RNF103: variants seen among roughly 807,000 people sequenced by gnomAD.
The protein encoded by RNF103 is E3 ubiquitin-protein ligase RNF103.
A neutral mutation model predicts 66.2 loss-of-function variants in RNF103; 23 were observed. The observed-to-expected ratio is 0.35, with a 90% CI of 0.25 to 0.49. The LOEUF is 0.49. Ranked by LOEUF, RNF103 falls within the 20% of genes least tolerant of loss-of-function variation. The probability of loss-of-function intolerance (pLI) is 0.98; values close to 1 mark genes in which losing one functional copy is unlikely to be tolerated. For synonymous variants in RNF103, 297 were observed against 289.9 expected (o/e 1.02, Z -0.25); for missense variants, 730 against 814.7 (o/e 0.90, Z 1.27).
At chr2:86,620,251 A>C in intron 2 of RNF103, 79 bp downstream of exon 2, 13 of 1,412,716 alleles carry the variant, frequency 9.2e-6, no homozygotes, top group Non-Finnish European at 1.2e-5. Context: ...CGGAAGTGTC[A>C]CTGGCTGGTA....
rs906005242 is a variant in RNF103 at position 86,623,673 on chromosome 2, CAAT to C, written c.-790_-788del. 5.9e-6 allele frequency: 7 copies of C among 1,179,196 alleles called. No individual in the cohort carries two copies. The Admixed American group carries it at 1.1e-4, about 19-fold the overall frequency. The allele number at this position is 1,179,196 out of a possible 1,614,324, so 73.0% of individuals were successfully genotyped here. On this transcript the variant is annotated 5_prime_UTR_variant, in exon 1 of 4. Coordinates refer to ENST00000237455, the MANE Select transcript of RNF103 (RefSeq NM_005667.4). Reference sequence around the variant, plus strand: ...GGAATCGGTCTCGGAGGGAAAAAACCAATAATAGGCCCCGAGACTGCTCCTCCA... The same window carrying C: ...GGAATCGGTCTCGGAGGGAAAAAACCAATAGGCCCCGAGACTGCTCCTCCA...
chr2:86,619,690 C>T (rs1423189121), intron 2 of RNF103, among the ~76,000 whole-genome samples: 2 of 152,004 alleles, frequency 1.3e-5, no homozygotes, highest in Non-Finnish European at 1.5e-5. Context: ...AATGCATGCC[C>T]ACTCACCATA....
In RNF103 at chr2:86,605,254, G is replaced by T. The variant is rs149860510; in HGVS notation, c.647C>A (p.Thr216Asn). 7.1e-5 allele frequency: 115 copies of T among 1,614,086 alleles called. No individual in the cohort carries two copies. The highest frequency in any genetic ancestry group is 1.7e-4 in the Admixed American group (10 of 60,016). The change falls in exon 4 of 4, where the codon ACC becomes AAC. Residue 216 changes from threonine to asparagine, a missense_variant. Thr to Asn is a moderately conservative substitution (Grantham distance 65). Around this residue, in one of 3 missense-constraint regions of RNF103, gnomAD observed 327 missense variants for 369.8 expected, o/e 0.88. Transcript: ENST00000237455. ...ITAHAASRIK[T>N]IYNAEHLKEE... is the part of the protein sequence containing the mutation. Reference sequence around the variant, plus strand: ...TTTCAAGTGTTCAGCATTATAAATGGTTTTGATCCGAGAAGCTGCATGAGC... The same window carrying T: ...TTTCAAGTGTTCAGCATTATAAATGTTTTTGATCCGAGAAGCTGCATGAGC...
chr2:86,619,282 T>C (rs1679136766), intron 2 of RNF103, among the ~76,000 whole-genome samples: 1 of 152,216 alleles, frequency 6.6e-6, no homozygotes, highest in Admixed American at 6.5e-5. Flanking sequence ...TATTTTGCAG[T>C]CTTTACTCTC....
chr2:86,614,822 TCTCTA>T lies in RNF103; in HGVS notation c.367-2553_367-2549del, dbSNP rs1031542011. ...TATCTGTGCAATCATACTACCATAC[TCTCTA>T]CTCTTTGCCCTCTTTTAAAAATAAC... is the stretch of plus-strand genomic sequence containing the variant. On this transcript the variant is annotated intron_variant, in intron 2 of 3. Coordinates refer to ENST00000237455, the MANE Select transcript of RNF103 (RefSeq NM_005667.4). The T allele has an allele frequency of 1.3e-4, 129 of 984,614 alleles. No individual in the cohort carries two copies. In the African/African-American group the frequency reaches 2.1e-3, roughly 16 times the overall value. 61.0% of individuals were successfully genotyped at this position (984,614 alleles called of 1,614,324 possible).
chr2:86,617,908 C>T (rs1450003198), intron 2 of RNF103: 1 of 985,852 alleles, frequency 1.0e-6, no homozygotes, highest in African/African-American at 1.7e-5. Context: ...AGTTGTCCTG[C>T]CAGAGATTGT....
At chr2:86,609,779 C>T (rs547670113) in intron 3 of RNF103, among the ~76,000 whole-genome samples, 1 of 152,196 alleles carries the variant, frequency 6.6e-6, no homozygotes, top group East Asian at 1.9e-4. Context: ...ACACTGAAGT[C>T]AGCTGCCCAG....
chr2:86,614,852 C>T, intron 2 of RNF103: 1 of 985,374 alleles, frequency 1.0e-6, no homozygotes, highest in Non-Finnish European at 1.2e-6. Flanking sequence ...TTAAAAATAA[C>T]TCACTTTTCA....
In RNF103 at chr2:86,623,477, G is replaced by A. The variant is rs1481871810; in HGVS notation, c.-591C>T. 1.1e-5 allele frequency: 11 copies of A among 982,308 alleles called. No individual in the cohort carries two copies. The highest frequency in any genetic ancestry group is 1.3e-5 in the Non-Finnish European group (11 of 828,830). 60.8% of individuals were successfully genotyped at this position (982,308 alleles called of 1,614,324 possible). On this transcript the variant is annotated 5_prime_UTR_variant, in exon 1 of 4. Coordinates refer to ENST00000237455, the MANE Select transcript of RNF103 (RefSeq NM_005667.4). ...CGCGGGGAGGAGCGGCCGCCGCAAC[G>A]CCGCGCCCGAAGCCCAGGCCCCAGG... is the stretch of plus-strand genomic sequence containing the variant.
At position 86,617,587 on chromosome 2, in the gene RNF103, G is replaced by C. The variant is rs188057935; in HGVS notation, c.366+2743C>G. 141 of 890,902 alleles carry C rather than the reference G, an allele frequency of 1.6e-4. 1 individual carries two copies. In the African/African-American group the frequency reaches 2.3e-3, roughly 14 times the overall value. The allele number at this position is 890,902 out of a possible 1,614,324, so 55.2% of individuals were successfully genotyped here. On this transcript the variant is annotated intron_variant, in intron 2 of 3. Transcript: ENST00000237455. ...TATCCACGGTTTCAGGCATCCACTG[G>C]GGGTCTTGGAACGCATCCCCCTCAG...
At position 86,612,268 on chromosome 2, in the gene RNF103, C is replaced by T. The variant is rs765173891; in HGVS notation, c.373G>A (p.Ala125Thr). The part of the protein sequence containing the change: ...KDGIWLVQVI[A>T]NDRSPLVGKI... ...CCCACCAAGGGACTTCTGTCATTTG[C>T]TATGACCTATTCCCAAAAATAGAGA... Residue 125 changes from alanine to threonine, a missense_variant, in exon 3 of 4, where the codon GCA becomes ACA. By Grantham distance (58) the Ala-to-Thr change is moderately conservative (BLOSUM62 0). This residue lies in a region of RNF103 where 327 missense variants were observed against 369.8 expected (regional missense o/e 0.88). Coordinates refer to ENST00000237455, the MANE Select transcript of RNF103 (RefSeq NM_005667.4). 15 of 1,601,760 alleles carry T rather than the reference C, an allele frequency of 9.4e-6. No homozygotes were observed. Among genetic ancestry groups the T allele is most frequent in the Non-Finnish European group, 1.2e-5 (14 of 1,171,288 alleles).
chr2:86,616,795 T>C (rs1185768225), intron 2 of RNF103: 3 of 985,322 alleles, frequency 3.0e-6, no homozygotes, highest in African/African-American at 3.5e-5. Context: ...CTTTGAACTA[T>C]GACAAAAGTC....
At chr2:86,620,508 G>A (rs2104264319) in intron 1 of RNF103, 39 bp from the exon 2 acceptor site, 6 of 1,493,574 alleles carry the variant, frequency 4.0e-6, no homozygotes, top group East Asian at 2.3e-5. Context: ...AAGGTTGCAA[G>A]AATCCTAGAT....
At position 86,623,490 on chromosome 2, in the gene RNF103, C is replaced by A; in HGVS notation, c.-604G>T. On this transcript the variant is annotated 5_prime_UTR_variant, in exon 1 of 4. Transcript: ENST00000237455. ...GGCCGCCGCAACGCCGCGCCCGAAG[C>A]CCAGGCCCCAGGCCCCGCCGACCGC... is the stretch of plus-strand genomic sequence containing the variant. 3.1e-6 allele frequency: 3 copies of A among 982,904 alleles called. No homozygotes were observed. The highest frequency in any genetic ancestry group is 3.6e-6 in the Non-Finnish European group (3 of 829,042). 60.9% of individuals were successfully genotyped at this position (982,904 alleles called of 1,614,324 possible).
rs189546322 is a variant in RNF103 at position 86,606,500 on chromosome 2, C to T, written c.483-1082G>A. On this transcript the variant is annotated intron_variant, in intron 3 of 3. Coordinates refer to ENST00000237455, the MANE Select transcript of RNF103 (RefSeq NM_005667.4). The stretch of plus-strand genomic sequence containing the variant: ...CAACATGGTGAAACCCCATCTCTAC[C>T]AAAAATATAAAAATTAGCTGGGCAT... Among the ~76,000 whole-genome samples, 326 of 151,514 alleles carry T rather than the reference C, an allele frequency of 2.2e-3. 1 individual carries two copies. The highest frequency in any genetic ancestry group is 3.4e-3 in the Middle Eastern group (1 of 292).
chr2:86,614,932 C>T (rs1678959306), intron 2 of RNF103: 2 of 985,426 alleles, frequency 2.0e-6, no homozygotes, highest in Non-Finnish European at 2.4e-6. Context: ...CAGAATGACA[C>T]TGCTCCAAGG....
rs1014110266 is a variant in RNF103, at chr2:86,616,569, C to T, written c.366+3761G>A. 7 of 985,348 alleles carry T rather than the reference C, an allele frequency of 7.1e-6. No individual in the cohort carries two copies. In the East Asian group the frequency reaches 4.5e-4, roughly 64 times the overall value. 61.0% of individuals were successfully genotyped at this position (985,348 alleles called of 1,614,324 possible). A position where few individuals can be genotyped will look rare whatever the true frequency, so the allele number is the denominator to read the frequency against. On this transcript the variant is annotated intron_variant, in intron 2 of 3. Transcript: ENST00000237455. ...AGAAATACGTAATTTAGAATCTCCT[C>T]GAACAAAACTTTTGTCTAGGAGCAA...
rs1678464295 is a variant in RNF103 at position 86,604,388 on chromosome 2, G to C, written c.1513C>G (p.Pro505Ala). 2 of 1,614,058 alleles carry C rather than the reference G, an allele frequency of 1.2e-6. No individual in the cohort carries two copies. The highest frequency in any genetic ancestry group is 1.7e-5 in the Admixed American group (1 of 60,002). Reference protein sequence around the residue: ...FPDLWLHPLIPTDYIKNLPMW... With the variant: ...FPDLWLHPLIATDYIKNLPMW... ...GGTAAGTTTTTAATATAATCAGTTG[G>C]TATCAGAGGGTGAAGCCAAAGGTCA... The change falls in exon 4 of 4, where the codon CCA (proline) becomes GCA (alanine). Residue 505 changes from proline (P) to alanine (A), a missense_variant. By Grantham distance (27) the Pro-to-Ala change is conservative (BLOSUM62 -1). This residue lies in a region of RNF103 where 355 missense variants were observed against 351.9 expected (regional missense o/e 1.01). Coordinates refer to ENST00000237455, the MANE Select transcript of RNF103 (RefSeq NM_005667.4).
chr2:86,620,356 T>A lies in RNF103; in HGVS notation c.340A>T (p.Thr114Ser). 7 of 1,606,188 alleles carry A rather than the reference T, an allele frequency of 4.4e-6. No individual in the cohort carries two copies. The highest frequency in any genetic ancestry group is 6.0e-6 in the Non-Finnish European group (7 of 1,174,296). ...EMHFYELVED[T>S]KDGIWLVQVI... Reference sequence around the variant, plus strand: ...TGAACCAGCCAGATGCCATCTTTTGTGTCTTCCACAAGCTCATAGAAGTGC... The same window carrying A: ...TGAACCAGCCAGATGCCATCTTTTGAGTCTTCCACAAGCTCATAGAAGTGC... Residue 114 changes from threonine to serine, a missense_variant, in exon 2 of 4, where the codon ACA (threonine) becomes TCA (serine). Thr to Ser is a moderately conservative substitution (Grantham distance 58). Around this residue, in one of 3 missense-constraint regions of RNF103, gnomAD observed 327 missense variants for 369.8 expected, o/e 0.88. Coordinates refer to ENST00000237455, the MANE Select transcript of RNF103 (RefSeq NM_005667.4).
Sources: gnomAD v4.1 joint callset for allele counts (sites outside exome capture counted in the v4.1 genomes callset) on GRCh38, gnomAD v4.1.1 for gene constraint, gnomAD v4.1.1 regional missense constraint, MANE v1.5 for transcripts, NCBI Gene and HGNC (gene_info 2026-07-23, HGNC 2026-07-21) for gene names.